Variants in SNTG2 observed in about 807,000 individuals in gnomAD.
The protein encoded by SNTG2 is syntrophin gamma 2.
SNTG2 carries 74 observed loss-of-function variants against 70.9 expected under a neutral mutation model. The ratio of observed to expected loss-of-function variants is 1.04; its 90% CI spans 0.86 to 1.27. SNTG2 has a LOEUF of 1.27. SNTG2 is among the 50% of genes most tolerant of loss of function. SNTG2 has a pLI of 0.00. For missense variants in SNTG2, 717 were observed against 690.7 expected (o/e 1.04, Z -0.43); for synonymous variants, 278 against 273.8 (o/e 1.02, Z -0.15).
At chr2:1,207,500 T>TGG (rs1179572765) in intron 8 of SNTG2, among the ~76,000 whole-genome samples, 2 of 152,200 alleles carry the variant, frequency 1.3e-5, no homozygotes, top group Non-Finnish European at 2.9e-5. Context: ...TCAGTGTCCA[T>TGG]TCCCCCATCC....
At chr2:972,767 C>T (rs1024045501) in intron 1 of SNTG2, among the ~76,000 whole-genome samples, 2 of 152,094 alleles carry the variant, frequency 1.3e-5, no homozygotes, top group Non-Finnish European at 2.9e-5. Flanking sequence ...CTTGCTCCCA[C>T]CATATATGAC....
intron 16 of SNTG2, among the ~76,000 whole-genome samples, chr2:1,365,372 T>G (rs1029871251): frequency 1.2e-4 from 18 of 152,204 alleles, no homozygotes; most frequent in Non-Finnish European, 1.0e-4. Flanking sequence ...ATAATTAGTG[T>G]TGTAGCTGTC....
At chr2:1,217,455 TA>T (rs914242555) in intron 9 of SNTG2, among the ~76,000 whole-genome samples, 3 of 152,232 alleles carry the variant, frequency 2.0e-5, no homozygotes, top group South Asian at 2.1e-4. Flanking sequence ...GAGATGAAAC[TA>T]AAAAAGACAT....
intron 4 of SNTG2, among the ~76,000 whole-genome samples, chr2:1,119,218 TA>T (rs543150400): frequency 2.6e-5 from 4 of 151,672 alleles, no homozygotes; most frequent in Admixed American, 6.6e-5. Context: ...CTTTCCTAGA[TA>T]AAAAAAAGAA....
chr2:1,052,794 G>A (rs1218851732), intron 1 of SNTG2, among the ~76,000 whole-genome samples: 1 of 152,196 alleles, frequency 6.6e-6, no homozygotes, highest in African/African-American at 2.4e-5. Context: ...TGAATGCTGG[G>A]TGGCCTACCC....
intron 6 of SNTG2, among the ~76,000 whole-genome samples, chr2:1,142,489 T>C (rs1339040002): frequency 9.0e-6 from 1 of 110,666 alleles, no homozygotes; most frequent in East Asian, 5.0e-4. Context: ...CTTCCTCACT[T>C]AGGGTTTTTT....
At chr2:1,066,981 G>C (rs1265715090) in intron 1 of SNTG2, among the ~76,000 whole-genome samples, 1 of 152,148 alleles carries the variant, frequency 6.6e-6, no homozygotes, top group African/African-American at 2.4e-5. Context: ...ACGTTTGTTA[G>C]CTGTTCCTGG....
intron 16 of SNTG2, 116 bp downstream of exon 16, chr2:1,316,491 T>C (rs1040372182): frequency 3.0e-5 from 9 of 301,228 alleles, no homozygotes; most frequent in Non-Finnish European, 4.2e-5. Flanking sequence ...AACCAATAGG[T>C]CCTGAAGCAC....
chr2:1,157,828 G>C (rs918976333), intron 6 of SNTG2, among the ~76,000 whole-genome samples: 3 of 152,164 alleles, frequency 2.0e-5, no homozygotes, highest in Non-Finnish European at 4.4e-5. Flanking sequence ...GGTGATATGA[G>C]CCCAGCACCG....
chr2:1,129,447 G>A (rs1667891495), intron 4 of SNTG2, among the ~76,000 whole-genome samples: 1 of 152,104 alleles, frequency 6.6e-6, no homozygotes, highest in African/African-American at 2.4e-5. Flanking sequence ...GTCTCTTCTG[G>A]TAAATAGACA....
chr2:958,370 G>A (rs564175918), intron 1 of SNTG2, among the ~76,000 whole-genome samples: 12 of 152,328 alleles, frequency 7.9e-5, no homozygotes, highest in African/African-American at 2.6e-4. Flanking sequence ...TTCATAAGTC[G>A]AGTAGATGGC....
chr2:1,058,779 T>G (rs1271594051), intron 1 of SNTG2, among the ~76,000 whole-genome samples: 7 of 152,234 alleles, frequency 4.6e-5, no homozygotes, highest in Admixed American at 6.5e-5. Flanking sequence ...CATCTGGTTG[T>G]ACCTAACTAA....
At chr2:1,096,486 C>A (rs1039679701) in intron 2 of SNTG2, among the ~76,000 whole-genome samples, 2 of 152,116 alleles carry the variant, frequency 1.3e-5, no homozygotes, top group African/African-American at 4.8e-5. Flanking sequence ...CCTCCGCCCC[C>A]CAACCCTGAA....
intron 14 of SNTG2, among the ~76,000 whole-genome samples, chr2:1,307,745 T>A (rs1219071864): frequency 6.6e-6 from 1 of 152,202 alleles, no homozygotes; most frequent in African/African-American, 2.4e-5. Flanking sequence ...AAAGCACAAA[T>A]CTCGCTTTCA....
chr2:1,003,313 A>G (rs964987289), intron 1 of SNTG2, among the ~76,000 whole-genome samples: 1 of 152,184 alleles, frequency 6.6e-6, no homozygotes, highest in Non-Finnish European at 1.5e-5. Context: ...ATGACAGTGT[A>G]TAGTCAAGAG....
intron 14 of SNTG2, among the ~76,000 whole-genome samples, chr2:1,288,961 G>C (rs980073789): frequency 6.6e-6 from 1 of 151,996 alleles, no homozygotes; most frequent in African/African-American, 2.4e-5. Flanking sequence ...CTACTCTTAC[G>C]CCTGATTCCT....
At chr2:995,125 C>T (rs1180727476) in intron 1 of SNTG2, among the ~76,000 whole-genome samples, 1 of 151,796 alleles carries the variant, frequency 6.6e-6, no homozygotes, top group Non-Finnish European at 1.5e-5. Flanking sequence ...CAAGAATAAA[C>T]GTATTTGTCC....
At chr2:1,229,571 T>C (rs1676045320) in intron 9 of SNTG2, among the ~76,000 whole-genome samples, 1 of 152,218 alleles carries the variant, frequency 6.6e-6, no homozygotes, top group Non-Finnish European at 1.5e-5. Context: ...CAGGTGGAGC[T>C]GCCTGCCAGT....
intron 4 of SNTG2, chr2:1,102,554 C>T (rs1158195175): frequency 1.3e-5 from 2 of 152,154 alleles, no homozygotes; most frequent in African/African-American, 4.8e-5. Context: ...ACCAGGGGGG[C>T]TGATGGTGCG....
Sources: gnomAD v4.1 joint callset for allele counts (sites outside exome capture counted in the v4.1 genomes callset) on GRCh38, gnomAD v4.1.1 for gene constraint, MANE v1.5 for transcripts, NCBI Gene and HGNC (gene_info 2026-07-23, HGNC 2026-07-21) for gene names.